RGL1: variants seen among roughly 807,000 people sequenced by gnomAD.
RGL1 encodes the protein ral guanine nucleotide dissociation stimulator like 1.
Under a neutral mutation model 95.2 loss-of-function variants are expected in RGL1, and 24 were observed. That is an observed-to-expected ratio of 0.25 (90% CI 0.18 to 0.35). The LOEUF is 0.35. Among genes scored for constraint, RGL1 ranks in the 10% least tolerant of loss-of-function variants. The pLI, the probability that RGL1 is intolerant of heterozygous loss-of-function variation, is 1.00. For synonymous variants in RGL1, 329 were observed against 344.9 expected, an observed-to-expected ratio of 0.95 and a Z score of 0.51; for missense variants, 715 against 936.3, an observed-to-expected ratio of 0.76 and a Z score of 3.08.
chr1:183,777,298 A>G (rs1188841991), intron 2 of RGL1, among the ~76,000 whole-genome samples: 1 of 152,152 alleles, frequency 6.6e-6, no homozygotes, highest in African/African-American at 2.4e-5. Context: ...TGTGTCCCGG[A>G]TCTTGAGGTT....
intron 3 of RGL1, among the ~76,000 whole-genome samples, chr1:183,864,047 C>T (rs1320905520): frequency 1.3e-5 from 2 of 152,130 alleles, no homozygotes; most frequent in African/African-American, 2.4e-5. Flanking sequence ...TGGTGCCATC[C>T]AAACCTGCAC....
chr1:183,664,739 C>T (rs1220672216), intron 1 of RGL1, among the ~76,000 whole-genome samples: 2 of 152,044 alleles, frequency 1.3e-5, no homozygotes, highest in Non-Finnish European at 2.9e-5. Context: ...AACTTTGTAT[C>T]CTGTAACCTT....
chr1:183,874,510 GT>G (rs560637064), intron 4 of RGL1, among the ~76,000 whole-genome samples: 34 of 146,658 alleles, frequency 2.3e-4, no homozygotes, highest in Non-Finnish European at 2.4e-4. Context: ...TGCCGTGGAG[GT>G]TTTTTTTTTT....
At chr1:183,710,533 A>C (rs1273115442) in intron 1 of RGL1, among the ~76,000 whole-genome samples, 1 of 152,180 alleles carries the variant, frequency 6.6e-6, no homozygotes, top group East Asian at 1.9e-4. Context: ...CACTGCTGTA[A>C]AGATACTACC....
chr1:183,884,678 GA>G (rs1667013308), intron 6 of RGL1, 44 bp from the exon 7 acceptor site: 1 of 1,531,152 alleles, frequency 6.5e-7, no homozygotes, highest in Admixed American at 1.7e-5. Context: ...TTTGCCATAT[GA>G]AATGTCTGTG....
At chr1:183,809,956 C>A (rs919907609) in intron 2 of RGL1, among the ~76,000 whole-genome samples, 2 of 151,952 alleles carry the variant, frequency 1.3e-5, no homozygotes, top group Admixed American at 1.3e-4. Context: ...GACTCTGTCT[C>A]TTAAAAAAAG....
At chr1:183,869,105 G>T (rs940023824) in intron 4 of RGL1, among the ~76,000 whole-genome samples, 3 of 152,216 alleles carry the variant, frequency 2.0e-5, no homozygotes, top group Non-Finnish European at 4.4e-5. Flanking sequence ...GCAACAGAGT[G>T]AGTGAGACCT....
intron 2 of RGL1, among the ~76,000 whole-genome samples, chr1:183,765,671 AG>A (rs1463639258): frequency 6.6e-6 from 1 of 152,212 alleles, no homozygotes; most frequent in African/African-American, 2.4e-5. Flanking sequence ...CAATCTCCAA[AG>A]TTATCAGAAA....
chr1:183,781,514 C>T (rs11581495), intron 2 of RGL1, among the ~76,000 whole-genome samples: 5,765 of 152,206 alleles, frequency 0.038, 192 homozygotes, highest in Admixed American at 0.092. Context: ...AATGCCACTC[C>T]ACTCTGTTAA....
chr1:183,900,655 C>T (rs1456497883), intron 11 of RGL1, among the ~76,000 whole-genome samples: 1 of 151,974 alleles, frequency 6.6e-6, no homozygotes, highest in Non-Finnish European at 1.5e-5. Context: ...CAGGCGTGCA[C>T]CACCACGCCC....
At chr1:183,648,800 C>A (rs764868306) in intron 1 of RGL1, 5 of 1,551,408 alleles carry the variant, frequency 3.2e-6, no homozygotes, top group Admixed American at 4.0e-5. Flanking sequence ...TTACTGTCTT[C>A]TAGCTGCAAA....
At chr1:183,746,530 A>T (rs564140578) in intron 2 of RGL1, among the ~76,000 whole-genome samples, 48 of 152,084 alleles carry the variant, frequency 3.2e-4, no homozygotes, top group African/African-American at 7.9e-4. Flanking sequence ...TTATATCATG[A>T]TTAATTATTC....
intron 1 of RGL1, among the ~76,000 whole-genome samples, chr1:183,706,836 T>G (rs1654946008): frequency 6.6e-6 from 1 of 152,160 alleles, no homozygotes; most frequent in Non-Finnish European, 1.5e-5. Flanking sequence ...GAAGGTCTCG[T>G]GTGGTTTGAA....
intron 2 of RGL1, among the ~76,000 whole-genome samples, chr1:183,811,621 A>C (rs1300321980): frequency 6.6e-6 from 1 of 152,250 alleles, no homozygotes; most frequent in Non-Finnish European, 1.5e-5. Flanking sequence ...GCCTCTACCA[A>C]TCAAGAAAAT....
intron 2 of RGL1, among the ~76,000 whole-genome samples, chr1:183,761,505 G>C (rs1047891559): frequency 6.6e-6 from 1 of 152,202 alleles, no homozygotes; most frequent in Admixed American, 6.5e-5. Flanking sequence ...TGTATATGCT[G>C]TAAATAGATG....
At chr1:183,672,670 G>T (rs1189214168) in intron 1 of RGL1, among the ~76,000 whole-genome samples, 4 of 152,024 alleles carry the variant, frequency 2.6e-5, no homozygotes, top group Non-Finnish European at 5.9e-5. Context: ...TAGGGATTTT[G>T]GTCTTTAATT....
At chr1:183,906,629 G>A (rs1207561063) in intron 13 of RGL1, among the ~76,000 whole-genome samples, 1 of 152,160 alleles carries the variant, frequency 6.6e-6, no homozygotes, top group Non-Finnish European at 1.5e-5. Flanking sequence ...GTAGGAAGGA[G>A]GTAATAGAGA....
At chr1:183,709,687 G>T in intron 1 of RGL1, 1 of 215,532 alleles carries the variant, frequency 4.6e-6, no homozygotes, top group Non-Finnish European at 9.9e-6. Context: ...AATGGCTAGT[G>T]ATCATGTGTT....
chr1:183,833,964 GT>G (rs59912489), intron 2 of RGL1, among the ~76,000 whole-genome samples: 66 of 140,544 alleles, frequency 4.7e-4, no homozygotes, highest in Admixed American at 7.1e-4. Flanking sequence ...ATCTCTCTCT[GT>G]TTTTTTTTTT....
Sources: allele counts gnomAD v4.1 joint callset (sites outside exome capture counted in the v4.1 genomes callset), GRCh38; gene constraint gnomAD v4.1.1; transcripts MANE v1.5; gene names NCBI Gene and HGNC (gene_info 2026-07-23, HGNC 2026-07-21).